The following ZNF469 variants were observed in gnomAD, a reference collection of about 807,000 sequenced individuals.
ZNF469 encodes zinc finger protein 469.
Under a neutral mutation model 1.0 loss-of-function variants are expected in ZNF469, and 1 was observed. The ratio of observed to expected loss-of-function variants is 1.00; its 90% confidence interval spans 0.35 to 4.73. The LOEUF is 4.73. Among genes scored for constraint, ZNF469 ranks in the 30% most tolerant of loss-of-function variants. The pLI is 0.16. For missense variants in ZNF469, 6,100 were observed against 5,356.3 expected (o/e 1.14, Z -4.33); for synonymous variants, 2,703 against 2,363.4 (o/e 1.14, Z -4.17).
At chr16:88,156,448 A>G in the ZNF469 span, among the ~76,000 whole-genome samples, 5 of 152,194 alleles carry the variant, frequency 3.3e-5, no homozygotes, top group Admixed American at 6.5e-5. Flanking sequence ...CCTATTGCAC[A>G]TGGATATCCA....
chr16:88,169,564 G>C, the ZNF469 span, among the ~76,000 whole-genome samples: 1 of 152,204 alleles, frequency 6.6e-6, no homozygotes, highest in African/African-American at 2.4e-5. The surrounding 1 kb of genome is among the most constrained non-coding windows in gnomAD (Gnocchi z 6.1). Context: ...CCTGAGCTGA[G>C]TCCGGGGCTT....
At chr16:88,101,806 G>T in the ZNF469 span, among the ~76,000 whole-genome samples, 1 of 152,204 alleles carries the variant, frequency 6.6e-6, no homozygotes, top group South Asian at 2.1e-4. Context: ...GGCCATGAAT[G>T]AAAGTGACAA....
Position 88,435,152 on chromosome 16 carries a change from T to C in ZNF469, c.7682T>C (p.Val2561Ala). The C allele has an allele frequency of 6.5e-7, 1 of 1,549,962 alleles. No individual in the cohort carries two copies. Among genetic ancestry groups the C allele is most frequent in the Admixed American group, 2.0e-5 (1 of 50,984 alleles). Residue 2561 changes from valine (V) to alanine (A), a missense_variant, in exon 3 of 3, where the codon GTT (valine) becomes GCT (alanine). Transcript: ENST00000565624. ...QPPPAQGSKEVLRAPGSPHSQ... is the reference protein window; with the variant it reads ...QPPPAQGSKEALRAPGSPHSQ... ...CCGCCTGCCCAGGGCTCAAAGGAGG[T>C]TCTCAGAGCACCGGGGTCCCCACAC...
At chr16:88,221,661 G>T in the ZNF469 span, among the ~76,000 whole-genome samples, 2 of 152,238 alleles carry the variant, frequency 1.3e-5, no homozygotes, top group Non-Finnish European at 2.9e-5. Flanking sequence ...CAGGGGTCCT[G>T]TAACAGAGGA....
chr16:88,299,316 G>C, the ZNF469 span, among the ~76,000 whole-genome samples: 8 of 152,060 alleles, frequency 5.3e-5, no homozygotes, highest in Non-Finnish European at 1.0e-4. Flanking sequence ...CTTGCAGCAG[G>C]AGAGGGCTTC....
chr16:88,321,413 T>C, the ZNF469 span, among the ~76,000 whole-genome samples: 3 of 152,220 alleles, frequency 2.0e-5, no homozygotes, highest in Non-Finnish European at 2.9e-5. Flanking sequence ...CCTTGGCATC[T>C]GCTCATAAGG....
At chr16:88,270,380 C>T in the ZNF469 span, among the ~76,000 whole-genome samples, 8,388 of 152,234 alleles carry the variant, frequency 0.055, 758 homozygotes, top group African/African-American at 0.19. Context: ...TGTGTGTGCC[C>T]ATGTGGCCGG....
chr16:88,271,750 G>C, the ZNF469 span, among the ~76,000 whole-genome samples: 13,385 of 150,888 alleles, frequency 0.089, 2,031 homozygotes, highest in African/African-American at 0.31. Flanking sequence ...ACTCAACAGA[G>C]TTGGGAACAG....
chr16:88,227,261 C>T, the ZNF469 span, among the ~76,000 whole-genome samples: 2 of 152,284 alleles, frequency 1.3e-5, no homozygotes, highest in Non-Finnish European at 2.9e-5. Context: ...CCACTGTCTC[C>T]CCAGGGCCGG....
chr16:88,419,711 G>T (rs914859314), intron 1 of ZNF469, among the ~76,000 whole-genome samples: 1 of 152,162 alleles, frequency 6.6e-6, no homozygotes, highest in Non-Finnish European at 1.5e-5. Context: ...CAACAGCCAG[G>T]AATGCCCCCA....
At chr16:88,247,137 G>A in the ZNF469 span, among the ~76,000 whole-genome samples, 14 of 151,974 alleles carry the variant, frequency 9.2e-5, no homozygotes, top group Admixed American at 6.6e-4. Context: ...ATGAGTGGAT[G>A]AGTGAGTTAG....
At chr16:88,318,745 G>A in the ZNF469 span, among the ~76,000 whole-genome samples, 6 of 152,362 alleles carry the variant, frequency 3.9e-5, no homozygotes, top group South Asian at 6.2e-4. Flanking sequence ...GCTCGGAGGA[G>A]GGGATGCTCC....
the ZNF469 span, among the ~76,000 whole-genome samples, chr16:88,112,871 G>T: frequency 5.7e-5 from 8 of 140,640 alleles, no homozygotes; most frequent in African/African-American, 2.1e-4. Flanking sequence ...TCTGCCTCCC[G>T]GGTTTGCGCT....
At chr16:88,403,703 A>G (rs886928709) in intron 1 of ZNF469, among the ~76,000 whole-genome samples, 4 of 152,192 alleles carry the variant, frequency 2.6e-5, no homozygotes, top group Admixed American at 1.3e-4. Flanking sequence ...CCATTCTGCA[A>G]TTGTTACAAA....
At chr16:88,314,370 ATGATG>A in the ZNF469 span, among the ~76,000 whole-genome samples, 1 of 141,510 alleles carries the variant, frequency 7.1e-6, no homozygotes, top group East Asian at 2.1e-4. Flanking sequence ...TGTAATTAAG[ATGATG>A]CTGGTGTAGA....
At chr16:88,410,287 C>A (rs1905116429) in intron 1 of ZNF469, among the ~76,000 whole-genome samples, 1 of 148,258 alleles carries the variant, frequency 6.7e-6, no homozygotes, top group African/African-American at 2.5e-5. Flanking sequence ...GTCTATGATA[C>A]CGTTGATAGT....
At chr16:88,115,888 GC>G in the ZNF469 span, among the ~76,000 whole-genome samples, 2 of 152,188 alleles carry the variant, frequency 1.3e-5, no homozygotes, top group Non-Finnish European at 2.9e-5. Flanking sequence ...TCTCATCTCT[GC>G]CTTTATCCTC....
chr16:88,289,552 C>T, the ZNF469 span, among the ~76,000 whole-genome samples: 2 of 152,114 alleles, frequency 1.3e-5, no homozygotes, highest in Non-Finnish European at 2.9e-5. Context: ...CCTAAATTAG[C>T]TCATTTAATC....
chr16:88,380,897 C>T (rs1210919053), upstream of ZNF469, among the ~76,000 whole-genome samples: 1 of 121,084 alleles, frequency 8.3e-6, no homozygotes, highest in Non-Finnish European at 1.6e-5. Flanking sequence ...GACATGCACT[C>T]ACACACACTC....
Sources: gnomAD v4.1 joint callset for allele counts (sites outside exome capture counted in the v4.1 genomes callset) on GRCh38, gnomAD v4.1.1 for gene constraint, Gnocchi (gnomAD v3.1) non-coding constraint, MANE v1.5 for transcripts, NCBI Gene and HGNC (gene_info 2026-07-23, HGNC 2026-07-21) for gene names.